The following FOXN3 variants were observed in gnomAD, a reference collection of about 807,000 sequenced individuals.
The protein encoded by FOXN3 is forkhead box protein N3.
In FOXN3, 7 loss-of-function variants were observed where a neutral mutation model predicts 38.4. The observed-to-expected ratio is 0.18, with a 90% CI of 0.10 to 0.34. The LOEUF (loss-of-function observed/expected upper bound fraction) is 0.34, where lower values mean the gene tolerates loss of function less well. FOXN3 is among the 10% of genes least tolerant of loss of function. The probability of loss-of-function intolerance (pLI) is 1.00; values close to 1 mark genes in which losing one functional copy is unlikely to be tolerated. For synonymous variants in FOXN3, 230 were observed against 242.2 expected (o/e 0.95, Z 0.47); for missense variants, 456 against 613.4 (o/e 0.74, Z 2.71).
intron 1 of FOXN3, among the ~76,000 whole-genome samples, chr14:89,498,286 G>C (rs1685131): frequency 7.6e-6 from 1 of 130,834 alleles, no homozygotes; most frequent in Non-Finnish European, 1.5e-5. Context: ...GTACGATCTC[G>C]ATCTCGGCTC....
chr14:89,246,114 C>T (rs943718571), intron 4 of FOXN3, among the ~76,000 whole-genome samples: 2 of 152,180 alleles, frequency 1.3e-5, no homozygotes, highest in Non-Finnish European at 2.9e-5. Context: ...GAAAAAAAAC[C>T]GCTGAATTGT....
chr14:89,339,276 A>G (rs971120258), intron 3 of FOXN3, among the ~76,000 whole-genome samples: 7 of 152,134 alleles, frequency 4.6e-5, no homozygotes, highest in Non-Finnish European at 4.4e-5. Context: ...GCCCAGCCTA[A>G]GACAAGTATT....
chr14:89,213,599 C>CT (rs888197751), intron 4 of FOXN3, among the ~76,000 whole-genome samples: 51 of 152,206 alleles, frequency 3.4e-4, no homozygotes, highest in African/African-American at 1.2e-3. Context: ...AGTCACCTCT[C>CT]TGTTTTGGGA....
intron 1 of FOXN3, among the ~76,000 whole-genome samples, chr14:89,611,727 A>G (rs558524930): frequency 2.0e-5 from 3 of 149,454 alleles, no homozygotes; most frequent in African/African-American, 7.5e-5. Context: ...AACGGCGTGA[A>G]CCTGGGAGGC....
At chr14:89,487,911 T>C (rs1204371054) in intron 1 of FOXN3, among the ~76,000 whole-genome samples, 1 of 151,996 alleles carries the variant, frequency 6.6e-6, no homozygotes, top group Non-Finnish European at 1.5e-5. Flanking sequence ...TAGGACAGAA[T>C]TTTAACAACA....
At chr14:89,487,637 T>C (rs1260743090) in intron 1 of FOXN3, among the ~76,000 whole-genome samples, 5 of 152,142 alleles carry the variant, frequency 3.3e-5, no homozygotes, top group Non-Finnish European at 7.4e-5. Context: ...TAAGCTCCTA[T>C]AAGGACAAAG....
At chr14:89,581,437 G>A (rs1353535441) in intron 1 of FOXN3, among the ~76,000 whole-genome samples, 3 of 151,616 alleles carry the variant, frequency 2.0e-5, no homozygotes, top group African/African-American at 7.3e-5. Flanking sequence ...AGCCAAGATC[G>A]TGCCATTGCA....
At chr14:89,218,610 C>T (rs755172792) in intron 4 of FOXN3, among the ~76,000 whole-genome samples, 8 of 152,234 alleles carry the variant, frequency 5.3e-5, no homozygotes, top group Non-Finnish European at 1.2e-4. Context: ...ATGGCTCATG[C>T]CTTTTCATTG....
At chr14:89,483,310 C>G (rs1893379066) in intron 1 of FOXN3, among the ~76,000 whole-genome samples, 1 of 152,166 alleles carries the variant, frequency 6.6e-6, no homozygotes, top group Non-Finnish European at 1.5e-5. Flanking sequence ...TGAAAGAGGC[C>G]TGGGACCTCA....
intron 3 of FOXN3, among the ~76,000 whole-genome samples, chr14:89,317,705 T>TC (rs904348395): frequency 3.4e-4 from 51 of 149,814 alleles, no homozygotes; most frequent in Non-Finnish European, 4.9e-4. Context: ...CTACCTCCTT[T>TC]CCCCCCCCAT....
intron 3 of FOXN3, among the ~76,000 whole-genome samples, chr14:89,328,643 C>G (rs2139982980): frequency 6.6e-6 from 1 of 152,344 alleles, no homozygotes; most frequent in East Asian, 1.9e-4. Context: ...ACATTCCCAC[C>G]AGCAGCACTA....
intron 1 of FOXN3, among the ~76,000 whole-genome samples, chr14:89,572,733 AAATTTTATTTCTGTGAT>A (rs1895519978): frequency 6.6e-6 from 1 of 152,268 alleles, no homozygotes; most frequent in African/African-American, 2.4e-5. Flanking sequence ...CAGAGGTGAC[AAATTTTATTTCTGTGAT>A]GACAAGTTAG....
At chr14:89,389,467 C>T (rs1305814781) in intron 2 of FOXN3, among the ~76,000 whole-genome samples, 1 of 152,196 alleles carries the variant, frequency 6.6e-6, no homozygotes, top group Non-Finnish European at 1.5e-5. Context: ...AAGATTCACG[C>T]CAATTGATTT....
chr14:89,606,174 A>T (rs1896271624), intron 1 of FOXN3, among the ~76,000 whole-genome samples: 1 of 152,218 alleles, frequency 6.6e-6, no homozygotes, highest in Non-Finnish European at 1.5e-5. Flanking sequence ...AATTCCTAGA[A>T]ATGCATAAAT....
chr14:89,218,487 AATTGAGT>A (rs1461802131), intron 4 of FOXN3, among the ~76,000 whole-genome samples: 1 of 152,206 alleles, frequency 6.6e-6, no homozygotes, highest in Non-Finnish European at 1.5e-5. Flanking sequence ...CTTTCAAAAC[AATTGAGT>A]ATTAAGTTTG....
At chr14:89,498,562 T>C (rs1354805345) in intron 1 of FOXN3, among the ~76,000 whole-genome samples, 1 of 152,168 alleles carries the variant, frequency 6.6e-6, no homozygotes, top group Admixed American at 6.5e-5. Flanking sequence ...ATGCACTAGA[T>C]AACTGAAAGT....
chr14:89,193,594 G>A (rs960119447), intron 4 of FOXN3, among the ~76,000 whole-genome samples: 6 of 152,106 alleles, frequency 3.9e-5, no homozygotes, highest in East Asian at 3.9e-4. Context: ...TATGGCTATC[G>A]CTGAGTGGTA....
intron 4 of FOXN3, among the ~76,000 whole-genome samples, chr14:89,229,314 A>C (rs1884734202): frequency 6.6e-6 from 1 of 152,234 alleles, no homozygotes; most frequent in Non-Finnish European, 1.5e-5. Flanking sequence ...AGAACTAGAG[A>C]AACAAACATA....
chr14:89,569,158 T>A (rs1396291715), intron 1 of FOXN3, among the ~76,000 whole-genome samples: 1 of 151,856 alleles, frequency 6.6e-6, no homozygotes, highest in African/African-American at 2.4e-5. Flanking sequence ...TGAGCCAAGA[T>A]CGCACCACTG....
Sources: allele counts gnomAD v4.1 joint callset (sites outside exome capture counted in the v4.1 genomes callset), GRCh38; gene constraint gnomAD v4.1.1; transcripts MANE v1.5; gene names NCBI Gene and HGNC (gene_info 2026-07-23, HGNC 2026-07-21).